SOD2: variants seen among roughly 807,000 people sequenced by gnomAD.
SOD2 encodes superoxide dismutase 2.
Under a neutral mutation model 27.0 loss-of-function variants are expected in SOD2, and 11 were observed. The ratio of observed to expected loss-of-function variants is 0.41; its 90% CI spans 0.26 to 0.67. SOD2 has a LOEUF of 0.67. SOD2 is among the 30% of genes least tolerant of loss of function. The pLI is 0.34. For synonymous variants in SOD2, 105 were observed against 103.0 expected, an observed-to-expected ratio of 1.02 and a Z score of -0.12; for missense variants, 250 against 274.5, an observed-to-expected ratio of 0.91 and a Z score of 0.63.
intron 1 of SOD2, among the ~76,000 whole-genome samples, chr6:159,712,210 A>T (rs1777809792): frequency 8.3e-6 from 1 of 120,666 alleles, no homozygotes; most frequent in Non-Finnish European, 1.8e-5. Flanking sequence ...TGATCACCAT[A>T]ACCACCTCCA....
intron 1 of SOD2, among the ~76,000 whole-genome samples, chr6:159,732,852 C>A (rs771469866): frequency 3.0e-5 from 2 of 67,084 alleles, no homozygotes; most frequent in Non-Finnish European, 5.3e-5. Flanking sequence ...CTGCTTCTTT[C>A]TCTCTCTCTC....
In SOD2 at chr6:159,693,228, C is replaced by A; in HGVS notation, c.-61G>T. 1 of 1,468,462 alleles carries A rather than the reference C, an allele frequency of 6.8e-7. No homozygotes were observed. The highest frequency in any genetic ancestry group is 9.2e-7 in the Non-Finnish European group (1 of 1,091,620). The allele number at this position is 1,468,462 out of a possible 1,614,324, so 91.0% of individuals were successfully genotyped here. ...TCTGCTGAAGCCGCTGCCGAAGCCA[C>A]CACAGCCACGAGTGCCGCTCCTGCG... On this transcript the variant is annotated 5_prime_UTR_variant, in exon 1 of 5. Transcript: ENST00000538183.
chr6:159,729,442 A>G (rs567000916), upstream of SOD2, among the ~76,000 whole-genome samples: 1 of 152,346 alleles, frequency 6.6e-6, no homozygotes, highest in Non-Finnish European at 1.5e-5. Context: ...GTATAACAAG[A>G]TGTTCCATCT....
intron 1 of SOD2, chr6:159,713,729 A>G (rs1032256123): frequency 3.3e-6 from 3 of 918,688 alleles, no homozygotes; most frequent in Admixed American, 1.7e-5. Flanking sequence ...TTTCAACACT[A>G]TTAGACTTGA....
intron 1 of SOD2, among the ~76,000 whole-genome samples, chr6:159,732,817 G>T (rs557839275): frequency 1.3e-5 from 2 of 151,882 alleles, no homozygotes; most frequent in African/African-American, 4.8e-5. Flanking sequence ...GAGACCGGGC[G>T]CAGGGGGAGG....
chr6:159,743,844 T>G, intron 1 of SOD2: 1 of 1,528,338 alleles, frequency 6.5e-7, no homozygotes, highest in Non-Finnish European at 8.8e-7. Context: ...TGGTTTTTAG[T>G]CCACATTATT....
At position 159,753,248 on chromosome 6, in the gene SOD2, C is replaced by A. The variant is rs1227724218; in HGVS notation, c.-335-4572G>T. ...GAAACAAGGTGTAGCTGTTTGGGCA[C>A]TTTTTGTTTAGGGTTTATTTTTACT... is the stretch of plus-strand genomic sequence containing the variant. On this transcript the variant is annotated intron_variant, in intron 1 of 7. Transcript: ENST00000546087. 12 of 609,308 alleles carry A rather than the reference C, an allele frequency of 2.0e-5. No homozygotes were observed. The South Asian group carries it at 2.2e-4, about 11-fold the overall frequency. The allele number at this position is 609,308 out of a possible 1,614,324, so 37.7% of individuals were successfully genotyped here.
At chr6:159,723,457 A>G (rs911580401) in intron 1 of SOD2, among the ~76,000 whole-genome samples, 1 of 152,210 alleles carries the variant, frequency 6.6e-6, no homozygotes, top group Non-Finnish European at 1.5e-5. Context: ...TTCAGGCACA[A>G]CGAAATACCT....
At chr6:159,684,217 G>T (rs1424498340) in intron 4 of SOD2, among the ~76,000 whole-genome samples, 1 of 151,930 alleles carries the variant, frequency 6.6e-6, no homozygotes, top group Non-Finnish European at 1.5e-5. Flanking sequence ...GTCTCTGCTT[G>T]TATTTCTTTT....
intron 1 of SOD2, among the ~76,000 whole-genome samples, chr6:159,711,882 T>TCTCCATAACCAC (rs1314719380): frequency 3.1e-5 from 3 of 98,172 alleles, no homozygotes; most frequent in Admixed American, 1.0e-4. Context: ...ACTGCTCTGA[T>TCTCCATAACCAC]CTCCATAACC....
At chr6:159,709,420 G>GA (rs1777688162) in intron 1 of SOD2, among the ~76,000 whole-genome samples, 1 of 151,974 alleles carries the variant, frequency 6.6e-6, no homozygotes, top group South Asian at 2.1e-4. Flanking sequence ...AAATTTACAA[G>GA]AAAAAAACAA....
chr6:159,723,777 T>G (rs1054142983), intron 1 of SOD2, among the ~76,000 whole-genome samples: 10 of 152,218 alleles, frequency 6.6e-5, no homozygotes, highest in African/African-American at 2.4e-4. Context: ...AAACTTTTTT[T>G]TCTTTTTGAT....
rs568702358 is a variant in SOD2, at chr6:159,673,309, C to G, written c.*9184G>C. ...AACAGAATATACATTCTTCTCAGCACCACATCGCACCTATTCCAAAATTGA... is the reference window on the plus strand; with the variant it reads ...AACAGAATATACATTCTTCTCAGCAGCACATCGCACCTATTCCAAAATTGA... On this transcript the variant is annotated 3_prime_UTR_variant, in exon 5 of 5. Transcript: ENST00000538183. The G allele has an allele frequency of 6.6e-6, 1 of 151,640 alleles. No homozygotes were observed. Among genetic ancestry groups the G allele is most frequent in the East Asian group, 1.9e-4 (1 of 5,200 alleles). 9.4% of individuals were successfully genotyped at this position (151,640 alleles called of 1,614,324 possible).
At chr6:159,702,652 T>C (rs62437317) in intron 1 of SOD2, among the ~76,000 whole-genome samples, 1 of 58,780 alleles carries the variant, frequency 1.7e-5, no homozygotes, top group Non-Finnish European at 2.7e-5. Context: ...GCTCTATCTC[T>C]CCAAAAAAAA....
intron 3 of SOD2, among the ~76,000 whole-genome samples, chr6:159,685,559 T>A (rs916492019): frequency 6.6e-6 from 1 of 151,970 alleles, no homozygotes; most frequent in Non-Finnish European, 1.5e-5. Context: ...TATTTTAAAT[T>A]CAGAGGGTAC....
chr6:159,735,792 T>C (rs1459365751), intron 1 of SOD2, among the ~76,000 whole-genome samples: 3 of 152,046 alleles, frequency 2.0e-5, no homozygotes, highest in Non-Finnish European at 4.4e-5. Context: ...AAAAAACTAT[T>C]GGGCAGTAGT....
rs1170720709 is a variant in SOD2, at chr6:159,673,959, T to C, written c.*8534A>G. 1 of 152,168 alleles carries C rather than the reference T, an allele frequency of 6.6e-6. No homozygotes were observed. The highest frequency in any genetic ancestry group is 1.5e-5 in the Non-Finnish European group (1 of 68,032). The allele number at this position is 152,168 out of a possible 1,614,324, so 9.4% of individuals were successfully genotyped here. A position where few individuals can be genotyped will look rare whatever the true frequency, so the allele number is the denominator to read the frequency against. The stretch of plus-strand genomic sequence containing the variant: ...GAAATACAGAGTACACAGAGAATAC[T>C]ATAAACACCTCTATGCAAATAAACT... On this transcript the variant is annotated 3_prime_UTR_variant, in exon 5 of 5. Transcript: ENST00000538183.
chr6:159,720,386 T>G (rs2114837198), intron 1 of SOD2: 1 of 152,404 alleles, frequency 6.6e-6, no homozygotes, highest in Non-Finnish European at 1.5e-5. Flanking sequence ...TGTAAATAAC[T>G]GTGTGTGTAT....
chr6:159,754,665 T>A (rs1157990134), intron 1 of SOD2, among the ~76,000 whole-genome samples: 1 of 152,138 alleles, frequency 6.6e-6, no homozygotes, highest in Non-Finnish European at 1.5e-5. Flanking sequence ...TAATACAATA[T>A]AAATGCTAGG....
Sources: allele counts gnomAD v4.1 joint callset (sites outside exome capture counted in the v4.1 genomes callset), GRCh38; gene constraint gnomAD v4.1.1; transcripts MANE v1.5; gene names NCBI Gene and HGNC (gene_info 2026-07-23, HGNC 2026-07-21).